The following PDX1 variants were observed in gnomAD, a reference collection of about 807,000 sequenced individuals.
The protein encoded by PDX1 is pancreatic and duodenal homeobox 1, also known as pancreas/duodenum homeobox protein 1.
Under a neutral mutation model 11.1 loss-of-function variants are expected in PDX1, and 7 were observed. The ratio of observed to expected loss-of-function variants is 0.63; its 90% CI spans 0.36 to 1.19. The LOEUF (loss-of-function observed/expected upper bound fraction) is 1.19, where lower values mean the gene tolerates loss of function less well. PDX1 is among the 50% of genes most tolerant of loss of function. The pLI is 0.02. For synonymous variants in PDX1, 232 were observed against 196.2 expected (o/e 1.18, Z -1.53); for missense variants, 449 against 412.1 (o/e 1.09, Z -0.78).
chr13:27,923,376 C>T (rs1957801421), intron 1 of PDX1, among the ~76,000 whole-genome samples: 1 of 152,232 alleles, frequency 6.6e-6, no homozygotes, highest in African/African-American at 2.4e-5. Flanking sequence ...CCCCTCAACA[C>T]CTCTGAGGGC....
At position 27,924,526 on chromosome 13, in the gene PDX1, A is replaced by C. The variant is rs1175289727; in HGVS notation, c.677A>C (p.Asp226Ala). Residue 226 changes from aspartate to alanine, a missense_variant, in exon 2 of 2, where the codon GAC (aspartate) becomes GCC (alanine). Transcript: ENST00000381033. This position sits in a 1 kb window ranked among gnomAD's most constrained non-coding sequence, Gnocchi z 4.8. ...GGGGVAEPEQ[D>A]CAVTSGEELL... The stretch of plus-strand genomic sequence containing the variant: ...GGCGGGGTCGCGGAGCCTGAGCAGG[A>C]CTGCGCCGTGACCTCCGGCGAGGAG... 1 of 1,603,878 alleles carries C rather than the reference A, an allele frequency of 6.2e-7. No individual in the cohort carries two copies. The highest frequency in any genetic ancestry group is 1.7e-5 in the Admixed American group (1 of 58,986).
At chr13:27,922,971 G>T (rs1253441720) in intron 1 of PDX1, among the ~76,000 whole-genome samples, 1 of 152,144 alleles carries the variant, frequency 6.6e-6, no homozygotes, top group Admixed American at 6.5e-5. Context: ...AGCTTCTGGC[G>T]CCTCTTCTCG....
rs530567443 is a variant in PDX1 at position 27,920,303 on chromosome 13, C to A, written c.165C>A (p.Gly55=). The change falls in exon 1 of 2, where the codon GGC becomes GGA. Residue 55 remains glycine, a synonymous_variant. Coordinates refer to ENST00000381033, the MANE Select transcript of PDX1 (RefSeq NM_000209.4). ...PPPHPFPGAL[G]ALEQGSPPDI... ...CGCACCCGTTCCCTGGCGCCCTGGG[C>A]GCGCTGGAGCAGGGCAGCCCCCCGG... 8.9e-4 allele frequency: 1,361 copies of A among 1,537,288 alleles called. No homozygotes were observed. Among genetic ancestry groups the A allele is most frequent in the Non-Finnish European group, 9.9e-4 (1,134 of 1,141,794 alleles).
intron 1 of PDX1, among the ~76,000 whole-genome samples, chr13:27,921,411 C>T (rs1167824423): frequency 3.3e-5 from 5 of 152,250 alleles, no homozygotes; most frequent in African/African-American, 4.8e-5. Flanking sequence ...GCCGGAGGCA[C>T]GGGGTAGCCC....
intron 1 of PDX1, among the ~76,000 whole-genome samples, chr13:27,922,312 T>A (rs1254866533): frequency 1.3e-5 from 2 of 151,912 alleles, no homozygotes; most frequent in African/African-American, 4.8e-5. Flanking sequence ...GCTGGCGCCC[T>A]CTAACCCGCT....
rs531827832 is a variant in PDX1 at position 27,924,046 on chromosome 13, G to C, written c.407-210G>C. Among the ~76,000 whole-genome samples, 1 of 152,230 alleles carries C rather than the reference G, an allele frequency of 6.6e-6. No individual in the cohort carries two copies. Among genetic ancestry groups the C allele is most frequent in the African/African-American group, 2.4e-5 (1 of 41,466 alleles). ...ACTCGAGTTTGGTCTCCAATAAAAA[G>C]GCTATCTTTATTAGGAAGGGCTTGA... On this transcript the variant is annotated intron_variant, in intron 1 of 1. Coordinates refer to ENST00000381033, the MANE Select transcript of PDX1 (RefSeq NM_000209.4). This position sits in a 1 kb window ranked among gnomAD's most constrained non-coding sequence, Gnocchi z 4.8.
rs867618159 is a variant in PDX1, at chr13:27,920,032, G to A, written c.-107G>A. On this transcript the variant is annotated 5_prime_UTR_variant, in exon 1 of 2. Coordinates refer to ENST00000381033, the MANE Select transcript of PDX1 (RefSeq NM_000209.4). ...GTGCGGAGCTGTCAAAGCGAGCAGGGGTGGCGCCGGGAGTGGGAACGCCAC... is the reference window on the plus strand; with the variant it reads ...GTGCGGAGCTGTCAAAGCGAGCAGGAGTGGCGCCGGGAGTGGGAACGCCAC... 4 of 1,371,326 alleles carry A rather than the reference G, an allele frequency of 2.9e-6. No homozygotes were observed. In the Admixed American group the frequency reaches 5.9e-5, roughly 20 times the overall value. The allele number at this position is 1,371,326 out of a possible 1,614,324, so 84.9% of individuals were successfully genotyped here.
At chr13:27,920,645 A>G in intron 1 of PDX1, 101 bp downstream of exon 1, 1 of 1,281,058 alleles carries the variant, frequency 7.8e-7, no homozygotes, top group Non-Finnish European at 1.1e-6. Flanking sequence ...GGCGCCTTGG[A>G]TTATCCCGGG....
rs1471716966 is a variant in PDX1 at position 27,925,936 on chromosome 13, G to A, written c.*1235G>A. On this transcript the variant is annotated 3_prime_UTR_variant, in exon 2 of 2. Transcript: ENST00000381033. ...AGGATGTGGACGTAATTCCTGTTCC[G>A]AGGTAGAGGCTGTGCTGAAGACAAG... 6.6e-6 allele frequency: 1 copy of A among 152,314 alleles called. No homozygotes were observed. The highest frequency in any genetic ancestry group is 2.4e-5 in the African/African-American group (1 of 41,438). 9.4% of individuals were successfully genotyped at this position (152,314 alleles called of 1,614,324 possible).
At position 27,920,528 on chromosome 13, in the gene PDX1, G is replaced by T. The variant is rs1209760036; in HGVS notation, c.390G>T (p.Trp130Cys). Residue 130 changes from tryptophan to cysteine, a missense_variant, in exon 1 of 2, where the codon TGG (tryptophan) becomes TGT (cysteine). Trp to Cys is a radical substitution (Grantham distance 215). This residue lies in a region of PDX1 where 263 missense variants were observed against 212.5 expected (regional missense o/e 1.24). Transcript: ENST00000381033. ...PWMKSTKAHA[W>C]KGQWAGGAYA... Reference sequence around the variant, plus strand: ...TGAAGTCTACCAAAGCTCACGCGTGGAAAGGCCAGTGGGCAGGTAAGCCTG... The same window carrying T: ...TGAAGTCTACCAAAGCTCACGCGTGTAAAGGCCAGTGGGCAGGTAAGCCTG... The T allele has an allele frequency of 1.2e-5, 19 of 1,612,910 alleles. No individual in the cohort carries two copies. The highest frequency in any genetic ancestry group is 1.7e-5 in the Admixed American group (1 of 60,004).
At position 27,924,552 on chromosome 13, in the gene PDX1, C is replaced by T. The variant is rs1017467511; in HGVS notation, c.703C>T (p.Leu235Phe). The change falls in exon 2 of 2, where the codon CTT becomes TTT. Residue 235 changes from leucine (L) to phenylalanine (F), a missense_variant. Physicochemically the swap from Leu to Phe is conservative, Grantham distance 22. Around this residue, in one of 3 missense-constraint regions of PDX1, gnomAD observed 139 missense variants for 121.4 expected, o/e 1.14. Transcript: ENST00000381033. The surrounding 1 kb of genome is among the most constrained non-coding windows in gnomAD (Gnocchi z 4.8). The stretch of plus-strand genomic sequence containing the variant: ...CTGCGCCGTGACCTCCGGCGAGGAG[C>T]TTCTGGCGCTGCCGCCGCCGCCGCC... Reference protein sequence around the residue: ...QDCAVTSGEELLALPPPPPPG... With the variant: ...QDCAVTSGEEFLALPPPPPPG... 20 of 1,559,012 alleles carry T rather than the reference C, an allele frequency of 1.3e-5. No individual in the cohort carries two copies. The African/African-American group carries it at 2.8e-4, about 22-fold the overall frequency.
At chr13:27,922,935 T>C (rs571944860) in intron 1 of PDX1, among the ~76,000 whole-genome samples, 2 of 152,354 alleles carry the variant, frequency 1.3e-5, no homozygotes, top group Non-Finnish European at 2.9e-5. Context: ...GAACTCTCCC[T>C]GGACTAGGGT....
In PDX1 at chr13:27,926,109, A is replaced by G. The variant is rs916587775; in HGVS notation, c.*1408A>G. 3 of 152,200 alleles carry G rather than the reference A, an allele frequency of 2.0e-5. No homozygotes were observed. The highest frequency in any genetic ancestry group is 7.2e-5 in the African/African-American group (3 of 41,434). The allele number at this position is 152,200 out of a possible 1,614,324, so 9.4% of individuals were successfully genotyped here. On this transcript the variant is annotated 3_prime_UTR_variant, in exon 2 of 2. Coordinates refer to ENST00000381033, the MANE Select transcript of PDX1 (RefSeq NM_000209.4). ...ACATTTTAAAAATTACCTAACAGTT[A>G]TTTACAAACAGGTCTGTGCATCCCA... is the stretch of plus-strand genomic sequence containing the variant.
intron 1 of PDX1, among the ~76,000 whole-genome samples, chr13:27,921,930 G>C (rs1399281471): frequency 6.6e-6 from 1 of 152,180 alleles, no homozygotes; most frequent in Non-Finnish European, 1.5e-5. Context: ...CCGGAAATGC[G>C]GGGTTCTTAG....
rs532113600 is a variant in PDX1 at position 27,924,811 on chromosome 13, G to C, written c.*110G>C. On this transcript the variant is annotated 3_prime_UTR_variant, in exon 2 of 2. Coordinates refer to ENST00000381033, the MANE Select transcript of PDX1 (RefSeq NM_000209.4). This position sits in a 1 kb window ranked among gnomAD's most constrained non-coding sequence, Gnocchi z 4.8. ...ACCCGCCCTGGCAGTTGAATGGGGC[G>C]GCAATTGCGGGGCCCACCTTAGACC... 1 of 886,900 alleles carries C rather than the reference G, an allele frequency of 1.1e-6. No individual in the cohort carries two copies. The highest frequency in any genetic ancestry group is 1.5e-6 in the Non-Finnish European group (1 of 655,476). 54.9% of individuals were successfully genotyped at this position (886,900 alleles called of 1,614,324 possible). A position where few individuals can be genotyped will look rare whatever the true frequency, so the allele number is the denominator to read the frequency against.
chr13:27,924,897 G>A lies in PDX1; in HGVS notation c.*196G>A. 2.2e-6 allele frequency: 1 copy of A among 452,458 alleles called. No homozygotes were observed. Among genetic ancestry groups the A allele is most frequent in the African/African-American group, 2.0e-5 (1 of 48,782 alleles). 28.0% of individuals were successfully genotyped at this position (452,458 alleles called of 1,614,324 possible). ...AGTTGGGGCCCCGCGGGTAGATGCC[G>A]GCAGGCCTTCCGGAAGAAAAAGAGC... On this transcript the variant is annotated 3_prime_UTR_variant, in exon 2 of 2. Coordinates refer to ENST00000381033, the MANE Select transcript of PDX1 (RefSeq NM_000209.4). This position sits in a 1 kb window ranked among gnomAD's most constrained non-coding sequence, Gnocchi z 4.8.
At chr13:27,921,222 A>G (rs1157709123) in intron 1 of PDX1, among the ~76,000 whole-genome samples, 1 of 152,258 alleles carries the variant, frequency 6.6e-6, no homozygotes, top group Middle Eastern at 3.2e-3. Flanking sequence ...GAGCAATCTG[A>G]GAAGCGAATT....
At chr13:27,920,565 C>T (rs1450668443) in intron 1 of PDX1, 21 bp downstream of exon 1, 3 of 1,612,372 alleles carry the variant, frequency 1.9e-6, no homozygotes, top group South Asian at 2.2e-5. Context: ...CTCCCCACCC[C>T]TTTCTCCTTT....
At chr13:27,923,548 A>G (rs1021910881) in intron 1 of PDX1, among the ~76,000 whole-genome samples, 4 of 152,234 alleles carry the variant, frequency 2.6e-5, no homozygotes, top group Admixed American at 2.6e-4. Flanking sequence ...TTACGATATA[A>G]CTATAGAGAG....
Sources: allele counts gnomAD v4.1 joint callset (sites outside exome capture counted in the v4.1 genomes callset), GRCh38; gene constraint gnomAD v4.1.1; regional missense constraint gnomAD v4.1.1; non-coding constraint Gnocchi (gnomAD v3.1); transcripts MANE v1.5; gene names NCBI Gene and HGNC (gene_info 2026-07-23, HGNC 2026-07-21).